The following DNM2 variants were observed in gnomAD, a reference collection of about 807,000 sequenced individuals.
DNM2 encodes dynamin 2.
DNM2 carries 15 observed loss-of-function variants against 99.0 expected under a neutral mutation model. The ratio of observed to expected loss-of-function variants is 0.15; its 90% confidence interval spans 0.10 to 0.23. DNM2 has a LOEUF of 0.23. Among genes scored for constraint, DNM2 ranks in the 10% least tolerant of loss-of-function variants. DNM2 has a pLI of 1.00. For synonymous variants in DNM2, 525 were observed against 481.2 expected, an observed-to-expected ratio of 1.09 and a Z score of -1.19; for missense variants, 742 against 1,189.4, an observed-to-expected ratio of 0.62 and a Z score of 5.53.
At chr19:10,823,667 G>A (rs751314395) in intron 16 of DNM2, 121 bp from the exon 17 acceptor site, 127 of 913,576 alleles carry the variant, frequency 1.4e-4, no homozygotes, top group Non-Finnish European at 2.0e-4. Context: ...ACCAGGTGAA[G>A]CCTGGGTTGG....
At chr19:10,749,540 G>C (rs539366085) in intron 1 of DNM2, among the ~76,000 whole-genome samples, 1 of 152,228 alleles carries the variant, frequency 6.6e-6, no homozygotes, top group Admixed American at 6.5e-5. Context: ...GTGGCAGACT[G>C]GAAGTGTCCT....
chr19:10,720,696 C>T (rs2087031096), intron 1 of DNM2, among the ~76,000 whole-genome samples: 2 of 152,094 alleles, frequency 1.3e-5, no homozygotes, highest in African/African-American at 4.8e-5. Context: ...CACCATTACC[C>T]TCCAGCCTGG....
chr19:10,767,423 C>T (rs538199328), intron 2 of DNM2, among the ~76,000 whole-genome samples: 1 of 152,320 alleles, frequency 6.6e-6, no homozygotes, highest in East Asian at 1.9e-4. Context: ...GCAGTCCTCC[C>T]ACCTCAGCCA....
chr19:10,808,135 T>C (rs1215236363), intron 13 of DNM2, among the ~76,000 whole-genome samples: 2 of 148,228 alleles, frequency 1.3e-5, no homozygotes, highest in South Asian at 4.3e-4. Context: ...TGAGCGAGAC[T>C]CCATATCAGG....
At chr19:10,729,755 C>T (rs1380418937) in intron 1 of DNM2, among the ~76,000 whole-genome samples, 2 of 152,198 alleles carry the variant, frequency 1.3e-5, no homozygotes, top group Non-Finnish European at 2.9e-5. Flanking sequence ...CCAGCTCTAC[C>T]TGGGAGCACC....
At chr19:10,789,197 C>CAAACAAACAAAG (rs2071666250) in intron 7 of DNM2, among the ~76,000 whole-genome samples, 1 of 151,884 alleles carries the variant, frequency 6.6e-6, no homozygotes, top group African/African-American at 2.4e-5. Context: ...GACTCTGTCT[C>CAAACAAACAAAG]AAACAAACAA....
chr19:10,755,415 G>A (rs555882843), intron 1 of DNM2: 3 of 152,132 alleles, frequency 2.0e-5, no homozygotes, highest in African/African-American at 7.2e-5. Flanking sequence ...GCCGCTGCTG[G>A]TGATTCAGTG....
intron 18 of DNM2, among the ~76,000 whole-genome samples, chr19:10,825,981 G>A (rs1180495584): frequency 6.6e-6 from 1 of 151,992 alleles, no homozygotes; most frequent in Non-Finnish European, 1.5e-5. Context: ...GCTGCAGTGA[G>A]CTATGATCAT....
intron 1 of DNM2, among the ~76,000 whole-genome samples, chr19:10,741,698 CGCCACCATGCCCG>C (rs1250681838): frequency 2.6e-5 from 4 of 151,962 alleles, no homozygotes; most frequent in Admixed American, 6.6e-5. Context: ...TACAGGTGTC[CGCCACCATGCCCG>C]GCTAATTTTT....
chr19:10,724,963 C>T (rs575306191), intron 1 of DNM2, among the ~76,000 whole-genome samples: 8 of 152,342 alleles, frequency 5.3e-5, no homozygotes, highest in African/African-American at 1.7e-4. Flanking sequence ...CTGCCTGTGC[C>T]TCAGTGGGTG....
intron 1 of DNM2, among the ~76,000 whole-genome samples, chr19:10,751,740 G>A (rs1370213850): frequency 6.6e-6 from 1 of 152,258 alleles, no homozygotes; most frequent in African/African-American, 2.4e-5. Context: ...GCCCTGCCCT[G>A]TCCTCAAACT....
Position 10,831,516 on chromosome 19 carries a change from G to T in DNM2, c.*469G>T. The T allele has an allele frequency of 6.1e-6, 6 of 987,528 alleles. No individual in the cohort carries two copies. Among genetic ancestry groups the T allele is most frequent in the Non-Finnish European group, 7.2e-6 (6 of 831,090 alleles). The allele number at this position is 987,528 out of a possible 1,614,324, so 61.2% of individuals were successfully genotyped here. On this transcript the variant is annotated 3_prime_UTR_variant, in exon 21 of 21. Coordinates refer to ENST00000389253, the MANE Select transcript of DNM2 (RefSeq NM_001005361.3). This position sits in a 1 kb window ranked among gnomAD's most constrained non-coding sequence, Gnocchi z 4.3. ...GCTCCCCAGCGGCAAGCCTGGCCCAGTGGGCTCGGTAGTGCCCAGCTGGCA... is the reference window on the plus strand; with the variant it reads ...GCTCCCCAGCGGCAAGCCTGGCCCATTGGGCTCGGTAGTGCCCAGCTGGCA...
chr19:10,797,465 G>C lies in DNM2; in HGVS notation c.1282G>C (p.Val428Leu). The C allele has an allele frequency of 6.2e-7, 1 of 1,613,998 alleles. No individual in the cohort carries two copies. Among genetic ancestry groups the C allele is most frequent in the Non-Finnish European group, 8.5e-7 (1 of 1,179,990 alleles). The change falls in exon 10 of 21, where the codon GTT (valine) becomes CTT (leucine). Residue 428 changes from valine to leucine, a missense_variant. Transcript: ENST00000389253. ...ACTCAAAGAGCCGAGTTTGAAGTGT[G>C]TTGATCTCGTGGTCTCAGAGCTGGC... ...VKLKEPSLKC[V>L]DLVVSELATV...
chr19:10,795,718 A>G lies in DNM2; in HGVS notation c.1196+279A>G. 8.6e-6 allele frequency: 5 copies of G among 580,568 alleles called. No homozygotes were observed. In the South Asian group the frequency reaches 1.0e-4, roughly 12 times the overall value. The allele number at this position is 580,568 out of a possible 1,614,324, so 36.0% of individuals were successfully genotyped here. A position where few individuals can be genotyped will look rare whatever the true frequency, so the allele number is the denominator to read the frequency against. On this transcript the variant is annotated intron_variant, in intron 9 of 20. Coordinates refer to ENST00000389253, the MANE Select transcript of DNM2 (RefSeq NM_001005361.3). This position sits in a 1 kb window ranked among gnomAD's most constrained non-coding sequence, Gnocchi z 4.2. ...AGTCGGTTGGTGTGAACCTCATGCT[A>G]AACTAAGAATGCTCACTGCAGATTT...
rs774455246 is a variant in DNM2, at chr19:10,811,736, T to C, written c.1558-528T>C. On this transcript the variant is annotated intron_variant, in intron 14 of 20. Coordinates refer to ENST00000389253, the MANE Select transcript of DNM2 (RefSeq NM_001005361.3). This position sits in a 1 kb window ranked among gnomAD's most constrained non-coding sequence, Gnocchi z 5.4. ...GACAGCTACAGCCACACAATCCCCA[T>C]CCATGGGGTCTCCCAGCCTGAAACC... 3.9e-6 allele frequency: 2 copies of C among 518,448 alleles called. No homozygotes were observed. Among genetic ancestry groups the C allele is most frequent in the Non-Finnish European group, 7.7e-6 (2 of 259,774 alleles). 32.1% of individuals were successfully genotyped at this position (518,448 alleles called of 1,614,324 possible).
chr19:10,781,746 T>A (rs990324508), intron 5 of DNM2: 2 of 152,206 alleles, frequency 1.3e-5, no homozygotes, highest in African/African-American at 2.4e-5. Context: ...TGAAACTCTG[T>A]CTCAAAACAA....
At chr19:10,746,727 GTT>G (rs757494612) in intron 1 of DNM2, among the ~76,000 whole-genome samples, 6,229 of 116,200 alleles carry the variant, frequency 0.054, 250 homozygotes, top group South Asian at 0.12. Flanking sequence ...CTTTTTTTTT[GTT>G]TTTTGTTTTT....
chr19:10,797,578 C>G, intron 10 of DNM2, 60 bp downstream of exon 10: 7 of 1,612,442 alleles, frequency 4.3e-6, no homozygotes, highest in East Asian at 2.2e-5. Flanking sequence ...ATGTGTTAGT[C>G]TCAACCCGAG....
chr19:10,783,253 C>A, intron 6 of DNM2, 133 bp downstream of exon 6: 1 of 1,391,538 alleles, frequency 7.2e-7, no homozygotes, highest in Admixed American at 1.9e-5. Flanking sequence ...CCACATTTAG[C>A]CTAGGAGTTT....
Sources: allele counts gnomAD v4.1 joint callset (sites outside exome capture counted in the v4.1 genomes callset), GRCh38; gene constraint gnomAD v4.1.1; non-coding constraint Gnocchi (gnomAD v3.1); transcripts MANE v1.5; gene names NCBI Gene and HGNC (gene_info 2026-07-23, HGNC 2026-07-21).